PRIMPOL: variants seen among roughly 807,000 people sequenced by gnomAD.
PRIMPOL encodes primase and DNA directed polymerase.
Under a neutral mutation model 63.6 loss-of-function variants are expected in PRIMPOL, and 54 were observed. The ratio of observed to expected loss-of-function variants is 0.85; its 90% CI spans 0.68 to 1.07. The LOEUF (loss-of-function observed/expected upper bound fraction) is 1.07. Among genes scored for constraint, PRIMPOL ranks in the 50% least tolerant of loss-of-function variants. The probability of loss-of-function intolerance (pLI) is 0.00; values close to 1 mark genes in which losing one functional copy is unlikely to be tolerated. For synonymous variants in PRIMPOL, 197 were observed against 220.2 expected, an observed-to-expected ratio of 0.89 and a Z score of 0.93; for missense variants, 610 against 648.3, an observed-to-expected ratio of 0.94 and a Z score of 0.64.
intron 11 of PRIMPOL, among the ~76,000 whole-genome samples, chr4:184,687,041 T>C (rs1757149807): frequency 6.6e-6 from 1 of 152,196 alleles, no homozygotes; most frequent in African/African-American, 2.4e-5. Context: ...AACCGTGGAA[T>C]ATATCATACA....
rs563580645 is a variant in PRIMPOL at position 184,655,299 on chromosome 4, G to A, written c.-59-1783G>A. Among the ~76,000 whole-genome samples, 266 of 146,628 alleles carry A rather than the reference G, an allele frequency of 1.8e-3. 3 individuals are homozygous for A. The highest frequency in any genetic ancestry group is 6.2e-3 in the African/African-American group (247 of 39,616). On this transcript the variant is annotated intron_variant, in intron 2 of 13. Coordinates refer to ENST00000314970, the MANE Select transcript of PRIMPOL (RefSeq NM_152683.4). ...TGCTGGGATTACAGGCATGAACCAC[G>A]GCGCCTGGTCTACCCTCTCGTAATC...
intron 2 of PRIMPOL, among the ~76,000 whole-genome samples, chr4:184,654,964 T>G (rs1745888747): frequency 6.6e-6 from 1 of 152,184 alleles, no homozygotes; most frequent in African/African-American, 2.4e-5. Context: ...GCGGATAATA[T>G]GCCTTTGTTT....
At chr4:184,675,733 C>G (rs1283458695) in intron 7 of PRIMPOL, among the ~76,000 whole-genome samples, 1 of 149,722 alleles carries the variant, frequency 6.7e-6, no homozygotes, top group African/African-American at 2.4e-5. Context: ...ATGAGAATCA[C>G]TTGAATCCGG....
chr4:184,665,016 C>T (rs944974462), intron 5 of PRIMPOL, among the ~76,000 whole-genome samples: 33 of 152,058 alleles, frequency 2.2e-4, no homozygotes, highest in African/African-American at 7.7e-4. Flanking sequence ...CAGTTTATTG[C>T]GTAACTTTGA....
chr4:184,675,146 C>T (rs769035500), intron 7 of PRIMPOL, among the ~76,000 whole-genome samples: 7 of 152,080 alleles, frequency 4.6e-5, no homozygotes, highest in South Asian at 2.1e-4. Context: ...CTGAGCTCAC[C>T]GCAATAGCAA....
intron 1 of PRIMPOL, among the ~76,000 whole-genome samples, chr4:184,651,634 C>G (rs1370962621): frequency 1.3e-5 from 2 of 152,100 alleles, no homozygotes; most frequent in Non-Finnish European, 2.9e-5. Flanking sequence ...GTAAATCATA[C>G]TAATTTACTT....
intron 6 of PRIMPOL, among the ~76,000 whole-genome samples, chr4:184,670,650 G>C (rs55699842): frequency 6.6e-6 from 1 of 151,268 alleles, no homozygotes; most frequent in Non-Finnish European, 1.5e-5. Context: ...CCAGGTTCAA[G>C]CAATTCTCTT....
intron 5 of PRIMPOL, among the ~76,000 whole-genome samples, chr4:184,665,277 G>A (rs966495166): frequency 6.6e-6 from 1 of 152,050 alleles, no homozygotes; most frequent in Non-Finnish European, 1.5e-5. Context: ...GAAATGTTAA[G>A]GTTTAGATTT....
chr4:184,686,662 T>G (rs1475566028), intron 11 of PRIMPOL, among the ~76,000 whole-genome samples: 2 of 152,114 alleles, frequency 1.3e-5, no homozygotes, highest in Non-Finnish European at 2.9e-5. Flanking sequence ...ATTTTGCTGT[T>G]TTTTATTTCA....
intron 6 of PRIMPOL, 113 bp downstream of exon 6, chr4:184,666,177 A>T (rs1443826839): frequency 5.1e-6 from 4 of 784,540 alleles, no homozygotes; most frequent in African/African-American, 1.8e-5. Context: ...AACTTATCCT[A>T]AAAAATGCGA....
chr4:184,651,470 C>T (rs957861475), intron 1 of PRIMPOL, among the ~76,000 whole-genome samples: 1 of 152,098 alleles, frequency 6.6e-6, no homozygotes, highest in Non-Finnish European at 1.5e-5. Context: ...GGACCCACTC[C>T]CAACCTTAAC....
In PRIMPOL at chr4:184,670,181, C is replaced by T. The variant is rs566937694; in HGVS notation, c.557-1992C>T. The stretch of plus-strand genomic sequence containing the variant: ...AGTGTGTTAGCGTTGATGCTAGTGA[C>T]AGTCATCAGTCATGGTCCTGGCCAT... On this transcript the variant is annotated intron_variant, in intron 6 of 13. Coordinates refer to ENST00000314970, the MANE Select transcript of PRIMPOL (RefSeq NM_152683.4). Among the ~76,000 whole-genome samples the T allele has an allele frequency of 5.8e-4, 89 of 152,304 alleles. 1 individual carries two copies. Among genetic ancestry groups the T allele is most frequent in the African/African-American group, 2.1e-3 (86 of 41,562 alleles).
intron 5 of PRIMPOL, among the ~76,000 whole-genome samples, chr4:184,662,973 A>G (rs143000088): frequency 0.014 from 2,079 of 150,078 alleles, 61 homozygotes; most frequent in African/African-American, 0.049. Context: ...ATAAATTTAG[A>G]TGCTTATTTC....
At chr4:184,673,341 A>G (rs1323440279) in intron 7 of PRIMPOL, among the ~76,000 whole-genome samples, 15 of 151,266 alleles carry the variant, frequency 9.9e-5, no homozygotes, top group Admixed American at 6.6e-4. Flanking sequence ...GTGTTAGCCA[A>G]GATGGTCTCG....
At chr4:184,666,698 A>G (rs28371025) in intron 6 of PRIMPOL, among the ~76,000 whole-genome samples, 4,640 of 152,192 alleles carry the variant, frequency 0.03, 246 homozygotes, top group African/African-American at 0.11. Context: ...CTTATCTGCA[A>G]TCTCATTTCT....
Position 184,661,777 on chromosome 4 carries a change from A to C in PRIMPOL, c.282A>C (p.Lys94Asn), listed in dbSNP as rs1748390377. 8 of 1,593,386 alleles carry C rather than the reference A, an allele frequency of 5.0e-6. No individual in the cohort carries two copies. Among genetic ancestry groups the C allele is most frequent in the Admixed American group, 3.5e-5 (2 of 57,896 alleles). The change falls in exon 5 of 14, where the codon AAA (lysine) becomes AAC (asparagine). Residue 94 changes from lysine (K) to asparagine (N), a missense_variant. Physicochemically the swap from Lys to Asn is moderately conservative, Grantham distance 94 (BLOSUM62 0). Coordinates refer to ENST00000314970, the MANE Select transcript of PRIMPOL (RefSeq NM_152683.4). The part of the protein sequence containing the change: ...AEFWFYYKSR[K>N]NLLHCYEVIP... ...AATCTTGAATTATTCAATTTAGAAA[A>C]AATCTCTTACACTGCTATGAAGTTA...
At position 184,694,808 on chromosome 4, in the gene PRIMPOL, AGG is replaced by A; in HGVS notation, c.*30_*31del. The stretch of plus-strand genomic sequence containing the variant: ...ATTCACTATGAACACTTTTGTCACC[AGG>A]CTATAATTTGCCTGATGTCTGTGAG... On this transcript the variant is annotated 3_prime_UTR_variant, in exon 14 of 14. Coordinates refer to ENST00000314970, the MANE Select transcript of PRIMPOL (RefSeq NM_152683.4). 1 of 1,573,682 alleles carries A rather than the reference AGG, an allele frequency of 6.4e-7. No individual in the cohort carries two copies. Among genetic ancestry groups the A allele is most frequent in the East Asian group, 2.3e-5 (1 of 44,236 alleles).
chr4:184,659,000 A>G (rs1036662564), intron 3 of PRIMPOL, among the ~76,000 whole-genome samples: 1 of 152,106 alleles, frequency 6.6e-6, no homozygotes, highest in African/African-American at 2.4e-5. Context: ...AATAATAAGT[A>G]GTTTTGAAAA....
At chr4:184,670,236 G>A (rs769757361) in intron 6 of PRIMPOL, among the ~76,000 whole-genome samples, 5 of 152,176 alleles carry the variant, frequency 3.3e-5, no homozygotes, top group Non-Finnish European at 7.3e-5. Context: ...TCCAAGACCT[G>A]TGGCCTCCCC....
Sources: gnomAD v4.1 joint callset for allele counts (sites outside exome capture counted in the v4.1 genomes callset) on GRCh38, gnomAD v4.1.1 for gene constraint, MANE v1.5 for transcripts, NCBI Gene and HGNC (gene_info 2026-07-23, HGNC 2026-07-21) for gene names.